ERBB4: variants seen among roughly 807,000 people sequenced by gnomAD.
ERBB4 encodes the protein receptor tyrosine-protein kinase erbB-4.
Under a neutral mutation model 158.0 loss-of-function variants are expected in ERBB4, and 42 were observed. The ratio of observed to expected loss-of-function variants is 0.27; its 90% CI spans 0.21 to 0.34. The LOEUF is 0.34. ERBB4 is among the 10% of genes least tolerant of loss of function. The pLI is 1.00. For missense variants in ERBB4, 1,333 were observed against 1,624.1 expected (o/e 0.82, Z 3.08); for synonymous variants, 583 against 558.7 (o/e 1.04, Z -0.61).
At chr2:212,490,942 G>C (rs1227297858) in intron 1 of ERBB4, among the ~76,000 whole-genome samples, 1 of 151,564 alleles carries the variant, frequency 6.6e-6, no homozygotes, top group Non-Finnish European at 1.5e-5. Flanking sequence ...TTTTTGTTTT[G>C]AAATCAATCC....
chr2:211,513,652 C>G (rs1412377987), intron 20 of ERBB4, among the ~76,000 whole-genome samples: 1 of 151,996 alleles, frequency 6.6e-6, no homozygotes, highest in African/African-American at 2.4e-5. Context: ...CCTTTTCAAA[C>G]CCCAGGAAAA....
chr2:212,125,593 C>T (rs935600924), intron 1 of ERBB4, among the ~76,000 whole-genome samples: 6 of 152,224 alleles, frequency 3.9e-5, no homozygotes, highest in Non-Finnish European at 8.8e-5. Context: ...CCAATAGGCC[C>T]CAGGGTATGT....
intron 1 of ERBB4, among the ~76,000 whole-genome samples, chr2:212,233,252 G>A (rs1227190791): frequency 2.0e-5 from 3 of 151,982 alleles, no homozygotes; most frequent in Non-Finnish European, 2.9e-5. Context: ...TTCACTTCAG[G>A]GAAATTCATA....
In ERBB4 at chr2:211,424,779, G is replaced by T. The variant is rs372207500; in HGVS notation, c.2720-478C>A. Among the ~76,000 whole-genome samples, 11 of 151,350 alleles carry T rather than the reference G, an allele frequency of 7.3e-5. No individual in the cohort carries two copies. In the East Asian group the frequency reaches 9.7e-4, roughly 13 times the overall value. On this transcript the variant is annotated intron_variant, in intron 22 of 27. Transcript: ENST00000342788. Reference sequence around the variant, plus strand: ...AATAATTACCTTATGTTACAATAAAGAATTGTGACTCTCTCTAACTTACAC... The same window carrying T: ...AATAATTACCTTATGTTACAATAAATAATTGTGACTCTCTCTAACTTACAC...
intron 25 of ERBB4, among the ~76,000 whole-genome samples, chr2:211,415,400 T>G (rs1440876211): frequency 3.9e-5 from 6 of 152,176 alleles, no homozygotes; most frequent in Admixed American, 1.3e-4. Context: ...ATTACAGGCG[T>G]GAGCCACCGC....
chr2:211,534,429 T>A (rs1467491566), intron 20 of ERBB4, among the ~76,000 whole-genome samples: 2 of 152,092 alleles, frequency 1.3e-5, no homozygotes, highest in Non-Finnish European at 2.9e-5. Flanking sequence ...CTTTGGATAT[T>A]AACTCTGCAA....
chr2:212,018,437 G>A (rs185326359), intron 2 of ERBB4, among the ~76,000 whole-genome samples: 3 of 152,260 alleles, frequency 2.0e-5, no homozygotes, highest in African/African-American at 2.4e-5. Flanking sequence ...GGATTCTAGA[G>A]TGAGAAAATA....
At chr2:211,566,071 AG>A (rs1235105581) in intron 19 of ERBB4, among the ~76,000 whole-genome samples, 1 of 152,150 alleles carries the variant, frequency 6.6e-6, no homozygotes, top group Non-Finnish European at 1.5e-5. Flanking sequence ...GTGCACTTTG[AG>A]GCGTCACGCC....
intron 9 of ERBB4, among the ~76,000 whole-genome samples, chr2:211,709,009 G>A (rs1377764101): frequency 6.6e-6 from 1 of 151,778 alleles, no homozygotes; most frequent in Non-Finnish European, 1.5e-5. Flanking sequence ...CATGTAAGCT[G>A]ATTTTCCATA....
intron 1 of ERBB4, among the ~76,000 whole-genome samples, chr2:212,327,158 A>T (rs1424731384): frequency 6.6e-6 from 1 of 150,754 alleles, no homozygotes; most frequent in African/African-American, 2.4e-5. Context: ...TTCTGGTTAC[A>T]TGATAAACAC....
At chr2:212,181,536 C>T (rs1050844745) in intron 1 of ERBB4, among the ~76,000 whole-genome samples, 11 of 151,628 alleles carry the variant, frequency 7.3e-5, no homozygotes, top group African/African-American at 2.4e-4. Flanking sequence ...TAATCATATA[C>T]ATATGTTTAT....
At chr2:211,799,679 G>A (rs765754490) in intron 3 of ERBB4, among the ~76,000 whole-genome samples, 10 of 152,134 alleles carry the variant, frequency 6.6e-5, no homozygotes, top group Non-Finnish European at 5.9e-5. Flanking sequence ...ATAACTCATA[G>A]TGCCACGTTC....
chr2:212,147,300 C>T (rs2125619930), intron 1 of ERBB4, among the ~76,000 whole-genome samples: 1 of 150,182 alleles, frequency 6.7e-6, no homozygotes, highest in Admixed American at 6.7e-5. Flanking sequence ...TCATGGTGCC[C>T]TGTCTTTACA....
In ERBB4 at chr2:212,070,247, G is replaced by A. The variant is rs112483409; in HGVS notation, c.234+54505C>T. Among the ~76,000 whole-genome samples the A allele has an allele frequency of 6.4e-3, 967 of 151,942 alleles. 6 individuals carry two copies. The highest frequency in any genetic ancestry group is 0.01 in the African/African-American group (428 of 41,476). On this transcript the variant is annotated intron_variant, in intron 2 of 27. Coordinates refer to ENST00000342788, the MANE Select transcript of ERBB4 (RefSeq NM_005235.3). The stretch of plus-strand genomic sequence containing the variant: ...GATATCTTATTTTCCCAAATTAAAG[G>A]CATATGTTTTTTAAAGTATCAATAC...
rs550309479 is a variant in ERBB4 at position 211,448,638 on chromosome 2, G to A, written c.2488-17538C>T. 3.9e-5 allele frequency among the ~76,000 whole-genome samples: 6 copies of A among 152,186 alleles called. No individual in the cohort carries two copies. In the South Asian group the frequency reaches 1.2e-3, roughly 32 times the overall value. On this transcript the variant is annotated intron_variant, in intron 20 of 27. Transcript: ENST00000342788. ...ATGGAAATTGAATTACATTTTGAAG[G>A]ACCAATAAAGGTTAGAATTCTTAGT...
intron 2 of ERBB4, among the ~76,000 whole-genome samples, chr2:211,987,278 G>C (rs1262063043): frequency 7.7e-6 from 1 of 130,112 alleles, no homozygotes; most frequent in African/African-American, 3.0e-5. Flanking sequence ...CCGAGATCGT[G>C]CCACTATACT....
At chr2:212,249,391 G>A (rs934005466) in intron 1 of ERBB4, among the ~76,000 whole-genome samples, 1 of 129,380 alleles carries the variant, frequency 7.7e-6, no homozygotes, top group African/African-American at 2.8e-5. Flanking sequence ...AATTTATATA[G>A]TAAAAGATAT....
At chr2:212,053,042 G>A (rs1489839254) in intron 2 of ERBB4, among the ~76,000 whole-genome samples, 1 of 152,144 alleles carries the variant, frequency 6.6e-6, no homozygotes, top group African/African-American at 2.4e-5. Flanking sequence ...ATACAGGCCA[G>A]GTGTGGTGGC....
At chr2:211,600,069 G>A (rs1208171614) in intron 19 of ERBB4, among the ~76,000 whole-genome samples, 1 of 152,124 alleles carries the variant, frequency 6.6e-6, no homozygotes, top group East Asian at 1.9e-4. Flanking sequence ...CATTATAAGG[G>A]AAGCTTTCCA....
Sources: allele counts gnomAD v4.1 joint callset (sites outside exome capture counted in the v4.1 genomes callset), GRCh38; gene constraint gnomAD v4.1.1; transcripts MANE v1.5; gene names NCBI Gene and HGNC (gene_info 2026-07-23, HGNC 2026-07-21).